The following MYO6 variants were observed in gnomAD, a reference collection of about 807,000 sequenced individuals.
The protein encoded by MYO6 is myosin VI, also known as unconventional myosin-VI.
A neutral mutation model predicts 178.7 loss-of-function variants in MYO6; 74 were observed. That is an observed-to-expected ratio of 0.41 (90% CI 0.34 to 0.50). The LOEUF (loss-of-function observed/expected upper bound fraction) is 0.50. Ranked by LOEUF, MYO6 falls within the 20% of genes least tolerant of loss-of-function variation. The probability of loss-of-function intolerance (pLI) is 0.09; values close to 1 mark genes in which losing one functional copy is unlikely to be tolerated. For missense variants in MYO6, 1,330 were observed against 1,547.4 expected (o/e 0.86, Z 2.36); for synonymous variants, 477 against 504.6 (o/e 0.95, Z 0.73).
chr6:75,817,757 A>G (rs1008696430), intron 2 of MYO6, 93 bp downstream of exon 2: 9 of 1,088,508 alleles, frequency 8.3e-6, no homozygotes, highest in South Asian at 5.1e-5. Flanking sequence ...AATGAGGTAG[A>G]TATTTGGGAA....
chr6:75,838,964 A>C (rs916451790), intron 7 of MYO6, among the ~76,000 whole-genome samples: 1 of 150,600 alleles, frequency 6.6e-6, no homozygotes, highest in Non-Finnish European at 1.5e-5. Flanking sequence ...CTGGCTGACC[A>C]TGTTGGCTTC....
At chr6:75,866,052 A>G (rs886629485) in intron 16 of MYO6, among the ~76,000 whole-genome samples, 3 of 151,342 alleles carry the variant, frequency 2.0e-5, no homozygotes, top group Admixed American at 6.6e-5. Flanking sequence ...GTGTTGGCAC[A>G]TTACTCATCT....
chr6:75,867,205 G>T (rs1776773383), intron 18 of MYO6, 100 bp downstream of exon 18: 2 of 1,025,096 alleles, frequency 2.0e-6, no homozygotes, highest in Non-Finnish European at 2.8e-6. Context: ...AAATCTCACA[G>T]TGAAGTTCAA....
At chr6:75,802,812 A>G (rs192995441) in intron 1 of MYO6, among the ~76,000 whole-genome samples, 1 of 152,238 alleles carries the variant, frequency 6.6e-6, no homozygotes, top group East Asian at 1.9e-4. Flanking sequence ...CCTAGCACAA[A>G]TTACAGAACT....
chr6:75,891,271 A>G lies in MYO6; in HGVS notation c.2911A>G (p.Arg971Gly), dbSNP rs397517049. The G allele has an allele frequency of 6.2e-7, 1 of 1,609,756 alleles. No individual in the cohort carries two copies. Among genetic ancestry groups the G allele is most frequent in the Non-Finnish European group, 8.5e-7 (1 of 1,177,268 alleles). The change falls in exon 27 of 35, where the codon AGA becomes GGA. Residue 971 changes from arginine (R) to glycine (G), a missense_variant. Physicochemically the swap from Arg to Gly is moderately radical, Grantham distance 125. Transcript: ENST00000369977. ...AAAGAGAAAACAAGAAGAAGAAGAG[A>G]GAAAGAAAAGGGAAGATGATGAAAA... is the stretch of plus-strand genomic sequence containing the variant. The part of the protein sequence containing the change: ...EAKRKQEEEE[R>G]KKREDDEKRI...
intron 25 of MYO6, among the ~76,000 whole-genome samples, chr6:75,887,760 T>A (rs1026367529): frequency 7.7e-6 from 1 of 129,836 alleles, no homozygotes; most frequent in Non-Finnish European, 1.6e-5. Context: ...GATCACAAGG[T>A]CAGGAGATTG....
intron 1 of MYO6, among the ~76,000 whole-genome samples, chr6:75,760,079 A>G (rs1451768682): frequency 6.6e-6 from 1 of 152,202 alleles, no homozygotes; most frequent in African/African-American, 2.4e-5. Flanking sequence ...TTTGACAGCA[A>G]GAGCACTAGA....
chr6:75,836,742 C>G (rs1235725386), intron 7 of MYO6, among the ~76,000 whole-genome samples: 1 of 152,020 alleles, frequency 6.6e-6, no homozygotes, highest in East Asian at 1.9e-4. Flanking sequence ...ACCACCACAT[C>G]TGGCTAATTT....
At chr6:75,904,240 C>G (rs1460643060) in intron 30 of MYO6, among the ~76,000 whole-genome samples, 1 of 149,534 alleles carries the variant, frequency 6.7e-6, no homozygotes, top group African/African-American at 2.4e-5. Flanking sequence ...ATCTTTGTGG[C>G]GTTCTCTGTA....
chr6:75,811,804 A>G (rs551865814), intron 1 of MYO6, among the ~76,000 whole-genome samples: 1 of 152,244 alleles, frequency 6.6e-6, no homozygotes, highest in South Asian at 2.1e-4. Context: ...GAAAAGAGAA[A>G]GGGGGAGGGG....
intron 6 of MYO6, 101 bp downstream of exon 6, chr6:75,833,048 A>G: frequency 1.3e-6 from 1 of 787,374 alleles, no homozygotes; most frequent in African/African-American, 1.7e-5. Flanking sequence ...ATGCAGTGTC[A>G]CCACCACAGC....
Position 75,784,026 on chromosome 6 carries a change from C to T in MYO6, c.-47-33475C>T, listed in dbSNP as rs534718528. Among the ~76,000 whole-genome samples the T allele has an allele frequency of 5.0e-4, 76 of 152,166 alleles. 1 individual carries two copies. Among genetic ancestry groups the T allele is most frequent in the African/African-American group, 1.5e-3 (64 of 41,540 alleles). ...TTGCTCTGTTGCCCAGGCTGGAGTG[C>T]GGTGGCGCCATCTCCGCTCCCTACA... is the stretch of plus-strand genomic sequence containing the variant. On this transcript the variant is annotated intron_variant, in intron 1 of 34. Transcript: ENST00000369977.
At chr6:75,846,799 A>G (rs1197403596) in intron 10 of MYO6, among the ~76,000 whole-genome samples, 1 of 152,140 alleles carries the variant, frequency 6.6e-6, no homozygotes, top group Non-Finnish European at 1.5e-5. Context: ...AAAGAAAACG[A>G]GTTTACTCTC....
chr6:75,857,699 T>G (rs1237502819), intron 13 of MYO6, among the ~76,000 whole-genome samples: 2 of 152,222 alleles, frequency 1.3e-5, no homozygotes, highest in African/African-American at 4.8e-5. Context: ...TGTTTAGAAA[T>G]TCATTGCTGT....
intron 1 of MYO6, among the ~76,000 whole-genome samples, chr6:75,806,450 G>A (rs72654771): frequency 6.6e-6 from 1 of 151,868 alleles, no homozygotes; most frequent in Non-Finnish European, 1.5e-5. Context: ...CCAGGCAGAA[G>A]TACATCATTA....
chr6:75,895,280 CT>C lies in MYO6; in HGVS notation c.3137+25del. ...GACACCGTATGTCACTTACCTTTAC[CT>C]TTTTAAAAATAGGTTGTAGATACTT... is the stretch of plus-strand genomic sequence containing the variant. On this transcript the variant is annotated intron_variant, in intron 29 of 34. Coordinates refer to ENST00000369977, the MANE Select transcript of MYO6 (RefSeq NM_004999.4). 1 of 1,594,600 alleles carries C rather than the reference CT, an allele frequency of 6.3e-7. No individual in the cohort carries two copies. The highest frequency in any genetic ancestry group is 1.1e-5 in the South Asian group (1 of 90,024).
intron 1 of MYO6, among the ~76,000 whole-genome samples, chr6:75,814,181 C>G (rs770158338): frequency 6.6e-6 from 1 of 152,150 alleles, no homozygotes; most frequent in Non-Finnish European, 1.5e-5. Context: ...CTATTTGCCT[C>G]TGGCTAGGGC....
intron 1 of MYO6, among the ~76,000 whole-genome samples, chr6:75,758,856 A>G (rs1391141147): frequency 1.3e-5 from 2 of 151,900 alleles, no homozygotes; most frequent in African/African-American, 4.8e-5. Context: ...AAATGTATAA[A>G]TACATGTTTG....
chr6:75,867,681 T>G (rs902237702), intron 18 of MYO6, among the ~76,000 whole-genome samples: 2 of 152,240 alleles, frequency 1.3e-5, no homozygotes, highest in Non-Finnish European at 2.9e-5. Context: ...TGATTAAAGC[T>G]TTTAATAACT....
Sources: allele counts gnomAD v4.1 joint callset (sites outside exome capture counted in the v4.1 genomes callset), GRCh38; gene constraint gnomAD v4.1.1; transcripts MANE v1.5; gene names NCBI Gene and HGNC (gene_info 2026-07-23, HGNC 2026-07-21).